FARP2: variants seen among roughly 807,000 people sequenced by gnomAD.
FARP2 encodes FERM, ARH/RhoGEF and pleckstrin domain protein 2.
In FARP2, 111 loss-of-function variants were observed where a neutral mutation model predicts 130.5. The observed-to-expected ratio is 0.85, with a 90% CI of 0.73 to 1.00. The LOEUF (loss-of-function observed/expected upper bound fraction) is 1.00. Among genes scored for constraint, FARP2 ranks in the 50% least tolerant of loss-of-function variants. The probability of loss-of-function intolerance (pLI) is 0.00; values close to 1 mark genes in which losing one functional copy is unlikely to be tolerated. For missense variants in FARP2, 1,385 were observed against 1,346.3 expected (o/e 1.03, Z -0.45); for synonymous variants, 504 against 516.9 (o/e 0.98, Z 0.34).
At chr2:241,434,758 A>T (rs1216193855) in intron 10 of FARP2, among the ~76,000 whole-genome samples, 1 of 152,186 alleles carries the variant, frequency 6.6e-6, no homozygotes, top group Non-Finnish European at 1.5e-5. Flanking sequence ...AGGCTGAGGC[A>T]TGAGAATCGC....
intron 12 of FARP2, among the ~76,000 whole-genome samples, chr2:241,437,670 A>ATTTTTTAT (rs1553723712): frequency 3.0e-5 from 4 of 133,112 alleles, no homozygotes; most frequent in Admixed American, 1.8e-4. Context: ...TTATTTATTT[A>ATTTTTTAT]TTTTTTTTTT....
chr2:241,453,397 C>A (rs565159305), intron 13 of FARP2, among the ~76,000 whole-genome samples: 1 of 151,348 alleles, frequency 6.6e-6, no homozygotes, highest in South Asian at 2.1e-4. Flanking sequence ...CCAAGGCGGG[C>A]AGATCACAAG....
intron 13 of FARP2, chr2:241,447,255 T>C (rs1015027444): frequency 1.3e-5 from 2 of 152,232 alleles, no homozygotes; most frequent in African/African-American, 2.4e-5. Context: ...TTTATAACAG[T>C]GTCACTGACA....
intron 2 of FARP2, among the ~76,000 whole-genome samples, chr2:241,380,735 A>G (rs1003246655): frequency 1.3e-5 from 2 of 151,832 alleles, no homozygotes; most frequent in Non-Finnish European, 2.9e-5. Flanking sequence ...TGCTCAACCC[A>G]TACTATATTT....
intron 4 of FARP2, among the ~76,000 whole-genome samples, chr2:241,407,157 T>C (rs964378243): frequency 2.3e-4 from 35 of 152,176 alleles, no homozygotes; most frequent in African/African-American, 7.7e-4. Context: ...ATGCAAAAGA[T>C]TTTAAAATTC....
At chr2:241,384,694 A>G (rs1210386371) in intron 2 of FARP2, among the ~76,000 whole-genome samples, 2 of 152,194 alleles carry the variant, frequency 1.3e-5, no homozygotes, top group Admixed American at 6.5e-5. Context: ...ATGTATTGAT[A>G]TTTGAAACTG....
intron 2 of FARP2, among the ~76,000 whole-genome samples, chr2:241,400,752 A>G (rs908845802): frequency 2.0e-5 from 3 of 152,038 alleles, no homozygotes; most frequent in Non-Finnish European, 4.4e-5. Context: ...ACTCAGGGAG[A>G]GTCATGAGGA....
At chr2:241,405,285 T>C (rs976475966) in intron 4 of FARP2, 2 of 154,116 alleles carry the variant, frequency 1.3e-5, no homozygotes, top group African/African-American at 4.8e-5. Flanking sequence ...CAGGCTGGAG[T>C]GTAGTGGTGT....
At chr2:241,471,123 G>A (rs1437502314) in intron 18 of FARP2, among the ~76,000 whole-genome samples, 2 of 151,246 alleles carry the variant, frequency 1.3e-5, no homozygotes, top group African/African-American at 4.9e-5. Context: ...CCTGTTCTGA[G>A]GAGGATTCTG....
At chr2:241,392,556 T>A (rs1446038811) in intron 2 of FARP2, among the ~76,000 whole-genome samples, 4 of 152,182 alleles carry the variant, frequency 2.6e-5, no homozygotes, top group Non-Finnish European at 5.9e-5. Context: ...GTAGAGATGA[T>A]TTATCTGCCA....
At chr2:241,437,084 TACTA>T (rs72493807) in intron 12 of FARP2, among the ~76,000 whole-genome samples, 16,461 of 152,248 alleles carry the variant, frequency 0.11, 944 homozygotes, top group Middle Eastern at 0.12. Flanking sequence ...CCAGATGACT[TACTA>T]ACTATGTTTT....
chr2:241,383,687 G>A (rs949791551), intron 2 of FARP2, among the ~76,000 whole-genome samples: 2 of 152,088 alleles, frequency 1.3e-5, no homozygotes, highest in Non-Finnish European at 2.9e-5. Flanking sequence ...GTGAGAACCA[G>A]TTGCATCCTG....
intron 1 of FARP2, among the ~76,000 whole-genome samples, chr2:241,364,230 G>T (rs2061254726): frequency 6.6e-6 from 1 of 152,180 alleles, no homozygotes; most frequent in South Asian, 2.1e-4. Context: ...AACATTTCTG[G>T]CATGGAAGAT....
At chr2:241,411,474 A>G (rs967860668) in intron 6 of FARP2, among the ~76,000 whole-genome samples, 6 of 152,252 alleles carry the variant, frequency 3.9e-5, no homozygotes, top group African/African-American at 1.4e-4. Flanking sequence ...AAACCCTGGA[A>G]AGGGCCTCAC....
intron 2 of FARP2, 70 bp from the exon 3 acceptor site, chr2:241,403,758 C>T: frequency 1.1e-6 from 1 of 882,112 alleles, no homozygotes; most frequent in Non-Finnish European, 1.8e-6. Context: ...TAGTTTTATG[C>T]ACAGTTTTCA....
intron 8 of FARP2, among the ~76,000 whole-genome samples, chr2:241,421,752 A>G (rs934291059): frequency 1.3e-5 from 2 of 152,178 alleles, no homozygotes; most frequent in African/African-American, 4.8e-5. Flanking sequence ...GCTGCCTGCT[A>G]TCTTTTCTGT....
chr2:241,364,455 C>T (rs2150284550), intron 1 of FARP2, among the ~76,000 whole-genome samples: 1 of 152,338 alleles, frequency 6.6e-6, no homozygotes. Flanking sequence ...TACACTCAAA[C>T]TTCTAACCCG....
intron 13 of FARP2, among the ~76,000 whole-genome samples, chr2:241,448,320 G>A (rs2063559154): frequency 6.6e-6 from 1 of 152,240 alleles, no homozygotes; most frequent in South Asian, 2.1e-4. Flanking sequence ...TCAAGAAACT[G>A]CTCAAAAGCA....
chr2:241,477,269 A>G (rs570672891), intron 19 of FARP2, among the ~76,000 whole-genome samples: 6 of 152,086 alleles, frequency 3.9e-5, no homozygotes, highest in African/African-American at 1.2e-4. Context: ...AGCTGGGACT[A>G]CAGGCACATA....
Sources: allele counts gnomAD v4.1 joint callset (sites outside exome capture counted in the v4.1 genomes callset), GRCh38; gene constraint gnomAD v4.1.1; transcripts MANE v1.5; gene names NCBI Gene and HGNC (gene_info 2026-07-23, HGNC 2026-07-21).